The following UBASH3B variants were observed in gnomAD, a reference collection of about 807,000 sequenced individuals.
The protein encoded by UBASH3B is ubiquitin associated and SH3 domain containing B, also known as ubiquitin-associated and SH3 domain-containing protein B.
In UBASH3B, 37 loss-of-function variants were observed where a neutral mutation model predicts 83.4. That is an observed-to-expected ratio of 0.44 (90% CI 0.34 to 0.58). The LOEUF (loss-of-function observed/expected upper bound fraction) is 0.58. Among genes scored for constraint, UBASH3B ranks in the 20% least tolerant of loss-of-function variants. UBASH3B has a pLI of 0.01. For missense variants in UBASH3B, 657 were observed against 827.2 expected (o/e 0.79, Z 2.52); for synonymous variants, 304 against 318.3 (o/e 0.96, Z 0.48).
rs1863976314 is a variant in UBASH3B, at chr11:122,697,304, G to A, written c.161+41094G>A. ...TCCCTTTATTACAGAAGAGAAAACT[G>A]AAGCTCAGAAATCCCAGCTATTCAG... On this transcript the variant is annotated intron_variant, in intron 1 of 13. Coordinates refer to ENST00000284273, the MANE Select transcript of UBASH3B (RefSeq NM_032873.5). Among the ~76,000 whole-genome samples, 4 of 152,178 alleles carry A rather than the reference G, an allele frequency of 2.6e-5. No individual in the cohort carries two copies. In the South Asian group the frequency reaches 8.3e-4, roughly 32 times the overall value.
At chr11:122,718,293 T>A (rs1347248517) in intron 1 of UBASH3B, among the ~76,000 whole-genome samples, 1 of 152,198 alleles carries the variant, frequency 6.6e-6, no homozygotes, top group Non-Finnish European at 1.5e-5. Flanking sequence ...TAAAATACAT[T>A]TCGGATGAAG....
chr11:122,670,992 A>C (rs1245737167), intron 1 of UBASH3B, among the ~76,000 whole-genome samples: 1 of 152,030 alleles, frequency 6.6e-6, no homozygotes, highest in East Asian at 1.9e-4. Flanking sequence ...CGAACTCCTG[A>C]CCAGAGGTGA....
intron 1 of UBASH3B, among the ~76,000 whole-genome samples, chr11:122,682,164 G>A (rs1377668845): frequency 2.6e-5 from 4 of 152,130 alleles, no homozygotes; most frequent in South Asian, 4.1e-4. Flanking sequence ...CCCTGCCGAC[G>A]CACCATGAGG....
At chr11:122,678,185 A>G (rs1417622671) in intron 1 of UBASH3B, among the ~76,000 whole-genome samples, 1 of 152,236 alleles carries the variant, frequency 6.6e-6, no homozygotes, top group East Asian at 1.9e-4. Flanking sequence ...TTAGGGCTTC[A>G]ATATATGAAT....
intron 1 of UBASH3B, among the ~76,000 whole-genome samples, chr11:122,656,461 C>T (rs1234358882): frequency 6.6e-6 from 1 of 152,058 alleles, no homozygotes; most frequent in Non-Finnish European, 1.5e-5. Context: ...GGGACGAGGG[C>T]GCGGGGTTCG....
intron 1 of UBASH3B, among the ~76,000 whole-genome samples, chr11:122,764,331 A>AT (rs1860496608): frequency 6.6e-6 from 1 of 152,214 alleles, no homozygotes; most frequent in Non-Finnish European, 1.5e-5. Flanking sequence ...CACTTTATCG[A>AT]TGTCACATCT....
chr11:122,721,971 C>G (rs1860646344), intron 1 of UBASH3B, among the ~76,000 whole-genome samples: 1 of 152,182 alleles, frequency 6.6e-6, no homozygotes, highest in Non-Finnish European at 1.5e-5. Flanking sequence ...GTTACACAGA[C>G]TTTTTGATTC....
At position 122,812,497 on chromosome 11, in the gene UBASH3B, C is replaced by A. The variant is rs1488258421; in HGVS notation, c.*2611C>A. 2 of 152,038 alleles carry A rather than the reference C, an allele frequency of 1.3e-5. No individual in the cohort carries two copies. Among genetic ancestry groups the A allele is most frequent in the African/African-American group, 4.8e-5 (2 of 41,388 alleles). The allele number at this position is 152,038 out of a possible 1,614,324, so 9.4% of individuals were successfully genotyped here. On this transcript the variant is annotated 3_prime_UTR_variant, in exon 14 of 14. Coordinates refer to ENST00000284273, the MANE Select transcript of UBASH3B (RefSeq NM_032873.5). ...GGTTCTTTTTGATCTGAAGCTGATG[C>A]TTATTAAAACAAATGATGTATGGGG...
intron 1 of UBASH3B, among the ~76,000 whole-genome samples, chr11:122,764,324 T>A (rs1214629961): frequency 1.3e-5 from 2 of 152,226 alleles, no homozygotes; most frequent in African/African-American, 2.4e-5. Context: ...CTCAAAACAC[T>A]TTATCGATGT....
chr11:122,679,624 G>A (rs1229337022), intron 1 of UBASH3B, among the ~76,000 whole-genome samples: 1 of 152,212 alleles, frequency 6.6e-6, no homozygotes, highest in African/African-American at 2.4e-5. Context: ...GAGGGCCAGA[G>A]AGTAAATATT....
chr11:122,782,483 A>T (rs1860872332), intron 4 of UBASH3B: 1 of 152,288 alleles, frequency 6.6e-6, no homozygotes, highest in African/African-American at 2.4e-5. Context: ...ATGCTGCGAA[A>T]CACCCCATCA....
intron 1 of UBASH3B, among the ~76,000 whole-genome samples, chr11:122,757,050 G>A (rs117557359): frequency 2.5e-4 from 38 of 152,268 alleles, no homozygotes; most frequent in Non-Finnish European, 4.1e-4. Flanking sequence ...CCTAAATATC[G>A]TATCTTAATA....
chr11:122,682,356 G>C (rs1863752731), intron 1 of UBASH3B, among the ~76,000 whole-genome samples: 1 of 152,164 alleles, frequency 6.6e-6, no homozygotes, highest in African/African-American at 2.4e-5. Flanking sequence ...ATTTGATATG[G>C]ATGATAGTTA....
chr11:122,714,826 A>G (rs548883331), intron 1 of UBASH3B, among the ~76,000 whole-genome samples: 13 of 152,370 alleles, frequency 8.5e-5, no homozygotes, highest in Admixed American at 2.6e-4. Context: ...TGCACTCATT[A>G]TCTGCATAAC....
intron 1 of UBASH3B, among the ~76,000 whole-genome samples, chr11:122,748,711 G>A (rs1861157869): frequency 6.6e-6 from 1 of 152,104 alleles, no homozygotes; most frequent in Non-Finnish European, 1.5e-5. Context: ...TCCAAGGGTC[G>A]CAGTGACGTG....
At chr11:122,710,624 A>T (rs1333139468) in intron 1 of UBASH3B, among the ~76,000 whole-genome samples, 4 of 152,206 alleles carry the variant, frequency 2.6e-5, no homozygotes, top group Admixed American at 2.0e-4. Flanking sequence ...AATCATAGCT[A>T]ATGCCGATAT....
rs1350231150 is a variant in UBASH3B at position 122,809,935 on chromosome 11, G to A, written c.*49G>A. 9 of 1,596,722 alleles carry A rather than the reference G, an allele frequency of 5.6e-6. No homozygotes were observed. The South Asian group carries it at 1.0e-4, about 18-fold the overall frequency. On this transcript the variant is annotated 3_prime_UTR_variant, in exon 14 of 14. Coordinates refer to ENST00000284273, the MANE Select transcript of UBASH3B (RefSeq NM_032873.5). The stretch of plus-strand genomic sequence containing the variant: ...AAGGCCTTTTGGAGTGTGTCTTTCT[G>A]TGTGTTTAAAAACAGTGGGAAAATC...
intron 1 of UBASH3B, among the ~76,000 whole-genome samples, chr11:122,657,969 A>G (rs1193879351): frequency 6.6e-6 from 1 of 152,028 alleles, no homozygotes; most frequent in Non-Finnish European, 1.5e-5. Context: ...TGAGATCAGA[A>G]GTTTGAGACC....
intron 1 of UBASH3B, among the ~76,000 whole-genome samples, chr11:122,663,117 C>T (rs969664306): frequency 1.3e-5 from 2 of 151,954 alleles, no homozygotes; most frequent in Admixed American, 6.6e-5. Flanking sequence ...ACTGGGACTA[C>T]AGGCACATGC....
Sources: gnomAD v4.1 joint callset for allele counts (sites outside exome capture counted in the v4.1 genomes callset) on GRCh38, gnomAD v4.1.1 for gene constraint, MANE v1.5 for transcripts, NCBI Gene and HGNC (gene_info 2026-07-23, HGNC 2026-07-21) for gene names.